NARF: variants seen among roughly 807,000 people sequenced by gnomAD.
NARF encodes iron-only hydrogenase-like protein 2.
Under a neutral mutation model 48.0 loss-of-function variants are expected in NARF, and 41 were observed. That is an observed-to-expected ratio of 0.85 (90% CI 0.66 to 1.11). The LOEUF is 1.11. Ranked by LOEUF, NARF falls within the 50% of genes least tolerant of loss-of-function variation. NARF has a pLI of 0.00. For synonymous variants in NARF, 215 were observed against 225.5 expected (o/e 0.95, Z 0.42); for missense variants, 613 against 590.2 (o/e 1.04, Z -0.40).
At chr17:82,472,498 AGAG>A in intron 4 of NARF, 63 bp from the exon 5 acceptor site, 1 of 1,480,336 alleles carries the variant, frequency 6.8e-7, no homozygotes, top group Non-Finnish European at 9.0e-7. Flanking sequence ...AAAAAAAAAA[AGAG>A]GAAGCCTAAA....
In NARF at chr17:82,489,756, G is replaced by T. The variant is rs1210216772; in HGVS notation, c.*1599G>T. On this transcript the variant is annotated 3_prime_UTR_variant, in exon 11 of 11. Transcript: ENST00000309794. ...CGGTGGCTCGTGCCCTATAATCCCAGCACACTGGGAGGCCAAGGTGGGAGG... is the reference window on the plus strand; with the variant it reads ...CGGTGGCTCGTGCCCTATAATCCCATCACACTGGGAGGCCAAGGTGGGAGG... 6.6e-6 allele frequency: 1 copy of T among 152,220 alleles called. No homozygotes were observed. Among genetic ancestry groups the T allele is most frequent in the Non-Finnish European group, 1.5e-5 (1 of 68,074 alleles). 9.4% of individuals were successfully genotyped at this position (152,220 alleles called of 1,614,324 possible).
intron 10 of NARF, among the ~76,000 whole-genome samples, chr17:82,486,114 A>G (rs1481247030): frequency 6.6e-6 from 1 of 151,936 alleles, no homozygotes; most frequent in Non-Finnish European, 1.5e-5. Context: ...TGTTGCGTGG[A>G]GGGAGGGTGG....
rs1271897083 is a variant in NARF, at chr17:82,478,823, G to A, written c.544G>A (p.Val182Met). Residue 182 changes from valine to methionine, a missense_variant, in exon 6 of 11, where the codon GTG becomes ATG. Coordinates refer to ENST00000309794, the MANE Select transcript of NARF (RefSeq NM_012336.4). ...AGGCTGGGTCCGATACGCCGAGCGG[G>A]TGCTGGGTCGCCCCATCACTGCCCA... Reference protein sequence around the residue: ...CPGWVRYAERVLGRPITAHLC... With the variant: ...CPGWVRYAERMLGRPITAHLC... The A allele has an allele frequency of 5.0e-6, 8 of 1,613,948 alleles. No individual in the cohort carries two copies. The highest frequency in any genetic ancestry group is 1.7e-5 in the Admixed American group (1 of 60,000).
intron 5 of NARF, among the ~76,000 whole-genome samples, chr17:82,475,416 C>T (rs948195315): frequency 1.5e-4 from 23 of 152,224 alleles, no homozygotes; most frequent in East Asian, 3.9e-4. Flanking sequence ...CTGGCTAACA[C>T]GGTGAAACCC....
intron 1 of NARF, chr17:82,459,106 C>T: frequency 2.5e-6 from 3 of 1,184,200 alleles, no homozygotes; most frequent in Non-Finnish European, 3.1e-6. Context: ...GCCTCTCGTG[C>T]CGCGCACCAC....
At chr17:82,473,221 G>A (rs891079787) in intron 5 of NARF, among the ~76,000 whole-genome samples, 64 of 151,474 alleles carry the variant, frequency 4.2e-4, no homozygotes, top group African/African-American at 1.4e-3. Context: ...GATTACAGGC[G>A]TGAGCCACTG....
rs528343047 is a variant in NARF at position 82,486,643 on chromosome 17, G to A, written c.1129+989G>A. Among the ~76,000 whole-genome samples, 7 of 152,300 alleles carry A rather than the reference G, an allele frequency of 4.6e-5. No homozygotes were observed. In the East Asian group the frequency reaches 7.7e-4, roughly 17 times the overall value. ...CCCACAGCTGGGCTGAGGAGCAGCCGGGAGGTGGGCCGTGAAGCAGGGCCT... is the reference window on the plus strand; with the variant it reads ...CCCACAGCTGGGCTGAGGAGCAGCCAGGAGGTGGGCCGTGAAGCAGGGCCT... On this transcript the variant is annotated intron_variant, in intron 10 of 10. Transcript: ENST00000309794.
Position 82,488,175 on chromosome 17 carries a change from C to A in NARF, c.*18C>A. The A allele has an allele frequency of 6.2e-7, 1 of 1,608,706 alleles. No individual in the cohort carries two copies. On this transcript the variant is annotated 3_prime_UTR_variant, in exon 11 of 11. Coordinates refer to ENST00000309794, the MANE Select transcript of NARF (RefSeq NM_012336.4). ...AGTGGTGAAGTCAGGCCAGGGCCTT[C>A]CAGCTGCTCTTGGGGCCAGAGCCAA... is the stretch of plus-strand genomic sequence containing the variant.
chr17:82,459,232 C>T, intron 1 of NARF: 1 of 995,346 alleles, frequency 1.0e-6, no homozygotes, highest in Non-Finnish European at 1.2e-6. Context: ...GGGGCGGAAG[C>T]GGGTGACGGC....
intron 5 of NARF, among the ~76,000 whole-genome samples, chr17:82,473,940 T>G (rs969744554): frequency 6.6e-6 from 1 of 152,018 alleles, no homozygotes; most frequent in African/African-American, 2.4e-5. Context: ...TCCCAACAAT[T>G]TAGAAGGCTG....
At chr17:82,480,647 A>G (rs892493310) in intron 6 of NARF, 2 of 425,530 alleles carry the variant, frequency 4.7e-6, no homozygotes, top group Non-Finnish European at 8.3e-6. Context: ...AAAGTGCTGC[A>G]TGCAGCCAGG....
Sources: allele counts gnomAD v4.1 joint callset (sites outside exome capture counted in the v4.1 genomes callset), GRCh38; gene constraint gnomAD v4.1.1; transcripts MANE v1.5; gene names NCBI Gene and HGNC (gene_info 2026-07-23, HGNC 2026-07-21).